MIER1: variants seen among roughly 807,000 people sequenced by gnomAD.
MIER1 encodes mesoderm induction early response protein 1.
A neutral mutation model predicts 75.7 loss-of-function variants in MIER1; 40 were observed. The ratio of observed to expected loss-of-function variants is 0.53; its 90% CI spans 0.41 to 0.69. The LOEUF is 0.69. Among genes scored for constraint, MIER1 ranks in the 30% least tolerant of loss-of-function variants. The pLI, the probability that MIER1 is intolerant of heterozygous loss-of-function variation, is 0.00. For synonymous variants in MIER1, 213 were observed against 223.4 expected (o/e 0.95, Z 0.42); for missense variants, 574 against 680.2 (o/e 0.84, Z 1.74).
intron 4 of MIER1, among the ~76,000 whole-genome samples, chr1:66,955,353 TTTTTTTTTTTTA>T (rs1659907080): frequency 7.0e-6 from 1 of 142,574 alleles, no homozygotes; most frequent in African/African-American, 2.7e-5. Flanking sequence ...TTTTTTTTTT[TTTTTTTTTTTTA>T]ATTGCAGGTA....
chr1:66,970,227 T>C (rs1038587941), intron 8 of MIER1, among the ~76,000 whole-genome samples: 3 of 152,234 alleles, frequency 2.0e-5, no homozygotes, highest in African/African-American at 7.2e-5. Flanking sequence ...TAATGACTTG[T>C]TTTTGTGAAA....
intron 12 of MIER1, among the ~76,000 whole-genome samples, chr1:66,978,004 C>T (rs938744749): frequency 4.6e-5 from 7 of 151,908 alleles, no homozygotes; most frequent in Non-Finnish European, 1.0e-4. Flanking sequence ...TGAGACCAGC[C>T]TGACAAACAT....
Position 66,946,017 on chromosome 1 carries a change from A to G in MIER1, c.194-133A>G, listed in dbSNP as rs181663083. ...TGTTGTAACTATTAAAAAGCAATACATAATAGTTGCTGTGCGTAGCTTTTT... is the reference window on the plus strand; with the variant it reads ...TGTTGTAACTATTAAAAAGCAATACGTAATAGTTGCTGTGCGTAGCTTTTT... On this transcript the variant is annotated intron_variant, in intron 3 of 13. Coordinates refer to ENST00000401041, the MANE Select transcript of MIER1 (RefSeq NM_001077700.3). The G allele has an allele frequency of 1.4e-3, 992 of 691,020 alleles. 13 individuals carry two copies. In the East Asian group the frequency reaches 0.028, roughly 19 times the overall value. The allele number at this position is 691,020 out of a possible 1,614,324, so 42.8% of individuals were successfully genotyped here.
intron 2 of MIER1, among the ~76,000 whole-genome samples, chr1:66,933,712 G>C (rs1653999440): frequency 6.6e-6 from 1 of 152,072 alleles, no homozygotes; most frequent in East Asian, 1.9e-4. Context: ...GAGCTATTAA[G>C]ATTTTAAAAG....
chr1:66,935,488 A>C (rs1218588219), intron 2 of MIER1, among the ~76,000 whole-genome samples: 1 of 152,218 alleles, frequency 6.6e-6, no homozygotes, highest in Admixed American at 6.5e-5. Context: ...AGCTTAAAAA[A>C]TAGTAACAAG....
At chr1:66,969,403 G>T (rs1358990691) in intron 8 of MIER1, among the ~76,000 whole-genome samples, 1 of 151,916 alleles carries the variant, frequency 6.6e-6, no homozygotes, top group African/African-American at 2.4e-5. Context: ...AACCTAGCCA[G>T]GTATGGTGGC....
intron 8 of MIER1, among the ~76,000 whole-genome samples, chr1:66,965,624 G>A (rs1246878984): frequency 6.6e-6 from 1 of 152,080 alleles, no homozygotes; most frequent in African/African-American, 2.4e-5. Context: ...GGCAAATGGT[G>A]TATGCATCCT....
intron 13 of MIER1, among the ~76,000 whole-genome samples, chr1:66,984,129 A>G (rs1451061114): frequency 1.3e-5 from 2 of 152,246 alleles, no homozygotes; most frequent in African/African-American, 4.8e-5. Context: ...TTAAAGAAAG[A>G]GCATTCATCT....
intron 1 of MIER1, chr1:66,925,529 T>G (rs1651427069): frequency 9.1e-6 from 9 of 985,328 alleles, no homozygotes; most frequent in Non-Finnish European, 1.1e-5. Flanking sequence ...CACTGCAGCC[T>G]TTATGGTGAG....
chr1:66,961,202 C>T (rs1661190741), intron 7 of MIER1, among the ~76,000 whole-genome samples: 1 of 151,944 alleles, frequency 6.6e-6, no homozygotes. Context: ...TGTCAAGGTT[C>T]AGAGATTCAT....
chr1:66,982,327 T>C (rs970109329), intron 13 of MIER1, among the ~76,000 whole-genome samples: 2 of 152,192 alleles, frequency 1.3e-5, no homozygotes, highest in Admixed American at 1.3e-4. Context: ...GTTTTGAATA[T>C]TTAAGTTCTC....
Position 66,987,374 on chromosome 1 carries a change from A to C in MIER1, c.*2474A>C, listed in dbSNP as rs1666914074. On this transcript the variant is annotated 3_prime_UTR_variant, in exon 14 of 14. Transcript: ENST00000401041. ...TGGAAAAAGAAGTCTGTTAATAGTGATTTAGTCTCCCCGCCTCATTCCCAC... is the reference window on the plus strand; with the variant it reads ...TGGAAAAAGAAGTCTGTTAATAGTGCTTTAGTCTCCCCGCCTCATTCCCAC... 6.6e-6 allele frequency: 1 copy of C among 152,650 alleles called. No individual in the cohort carries two copies. Among genetic ancestry groups the C allele is most frequent in the Non-Finnish European group, 1.5e-5 (1 of 67,940 alleles). The allele number at this position is 152,650 out of a possible 1,614,324, so 9.5% of individuals were successfully genotyped here.
chr1:66,939,941 C>T (rs1021170642), intron 2 of MIER1, 87 bp from the exon 3 acceptor site: 44 of 1,053,236 alleles, frequency 4.2e-5, no homozygotes, highest in Middle Eastern at 2.0e-4. Context: ...TTTTTGGCAT[C>T]ATAGTAGTCA....
At chr1:66,964,352 T>C (rs535662661) in intron 8 of MIER1, among the ~76,000 whole-genome samples, 134 of 151,196 alleles carry the variant, frequency 8.9e-4, no homozygotes, top group African/African-American at 3.1e-3. Context: ...GGATTACAGG[T>C]GTGAGCCACC....
In MIER1 at chr1:66,982,018, C is replaced by T. The variant is rs533990178; in HGVS notation, c.1369+100C>T. The stretch of plus-strand genomic sequence containing the variant: ...TTGGGTTTCTATTAAACTTCCAGAG[C>T]AGAAAGTAAAAAATGATAACACATG... On this transcript the variant is annotated intron_variant, in intron 13 of 13. Coordinates refer to ENST00000401041, the MANE Select transcript of MIER1 (RefSeq NM_001077700.3). 2.4e-5 allele frequency: 30 copies of T among 1,232,650 alleles called. No homozygotes were observed. In the African/African-American group the frequency reaches 4.2e-4, roughly 17 times the overall value. The allele number at this position is 1,232,650 out of a possible 1,614,324, so 76.4% of individuals were successfully genotyped here. A position where few individuals can be genotyped will look rare whatever the true frequency, so the allele number is the denominator to read the frequency against.
intron 2 of MIER1, among the ~76,000 whole-genome samples, chr1:66,936,444 G>C (rs1654862639): frequency 6.6e-6 from 1 of 151,884 alleles, no homozygotes; most frequent in Non-Finnish European, 1.5e-5. Context: ...TGTTGGCCAG[G>C]CTGGTCTCGA....
intron 13 of MIER1, among the ~76,000 whole-genome samples, chr1:66,984,160 A>G (rs964639945): frequency 2.0e-5 from 3 of 152,238 alleles, no homozygotes; most frequent in African/African-American, 4.8e-5. Flanking sequence ...TGGTTTTAGA[A>G]TGTTGAAAAC....
chr1:66,975,862 A>C (rs1289223147), intron 11 of MIER1, among the ~76,000 whole-genome samples: 3 of 152,222 alleles, frequency 2.0e-5, no homozygotes, highest in African/African-American at 7.2e-5. Flanking sequence ...TGTTGGGACT[A>C]GTAAGAGAAT....
chr1:66,951,785 T>C (rs929383939), intron 4 of MIER1, among the ~76,000 whole-genome samples: 1 of 152,152 alleles, frequency 6.6e-6, no homozygotes, highest in African/African-American at 2.4e-5. Context: ...ATGCCCACTT[T>C]CCTTATTTCT....
Sources: allele counts gnomAD v4.1 joint callset (sites outside exome capture counted in the v4.1 genomes callset), GRCh38; gene constraint gnomAD v4.1.1; transcripts MANE v1.5; gene names NCBI Gene and HGNC (gene_info 2026-07-23, HGNC 2026-07-21).